Variants in RAD23B observed in about 807,000 individuals in gnomAD.
RAD23B encodes RAD23 nucleotide excision repair protein B.
A neutral mutation model predicts 49.1 loss-of-function variants in RAD23B; 5 were observed. The observed-to-expected ratio is 0.10, with a 90% CI of 0.05 to 0.21. The LOEUF is 0.21. RAD23B is among the 10% of genes least tolerant of loss of function. The pLI, the probability that RAD23B is intolerant of heterozygous loss-of-function variation, is 1.00. For synonymous variants in RAD23B, 184 were observed against 165.4 expected (o/e 1.11, Z -0.86); for missense variants, 356 against 486.7 (o/e 0.73, Z 2.53).
intron 2 of RAD23B, among the ~76,000 whole-genome samples, chr9:107,301,410 CCTT>C (rs1826649638): frequency 6.6e-6 from 1 of 152,284 alleles, no homozygotes; most frequent in South Asian, 2.1e-4. Context: ...ATGATCTCCT[CCTT>C]TTCAGGGCCT....
At chr9:107,299,803 A>G (rs528675573) in intron 1 of RAD23B, among the ~76,000 whole-genome samples, 22 of 152,286 alleles carry the variant, frequency 1.4e-4, no homozygotes, top group Admixed American at 1.2e-3. Context: ...TTTTTAGGTG[A>G]TCAAGCTTTA....
rs765928759 is a variant in RAD23B at position 107,283,579 on chromosome 9, C to T, written c.-51C>T. On this transcript the variant is annotated 5_prime_UTR_variant, in exon 1 of 10. Transcript: ENST00000358015. The stretch of plus-strand genomic sequence containing the variant: ...GCCCCGCCAGGCCACAGACCCCGCC[C>T]AGCGGCCAGCACCCGGCGCAGGCCC... 4.2e-6 allele frequency: 6 copies of T among 1,433,908 alleles called. No individual in the cohort carries two copies. The Admixed American group carries it at 7.6e-5, about 18-fold the overall frequency. The allele number at this position is 1,433,908 out of a possible 1,614,324, so 88.8% of individuals were successfully genotyped here.
At chr9:107,284,486 A>T (rs767123731) in intron 1 of RAD23B, among the ~76,000 whole-genome samples, 2 of 152,074 alleles carry the variant, frequency 1.3e-5, no homozygotes, top group Non-Finnish European at 2.9e-5. Context: ...AAGGGGGAAA[A>T]AAGAAAAAAA....
chr9:107,303,934 T>C (rs758434418), intron 3 of RAD23B, among the ~76,000 whole-genome samples: 2 of 152,236 alleles, frequency 1.3e-5, no homozygotes, highest in Non-Finnish European at 2.9e-5. Flanking sequence ...ACTTGAAGCC[T>C]ATCATTATAT....
chr9:107,306,565 C>T lies in RAD23B; in HGVS notation c.415C>T (p.Pro139Ser). The T allele has an allele frequency of 1.9e-6, 3 of 1,614,158 alleles. No individual in the cohort carries two copies. The highest frequency in any genetic ancestry group is 2.2e-5 in the East Asian group (1 of 44,870). ...AGCGACAGCATCTTCTGAACCTGCA[C>T]CTGCTAGTGCAGCTAAACAAGAGAA... The part of the protein sequence containing the change: ...ASATASSEPA[P>S]ASAAKQEKPA... The change falls in exon 4 of 10, where the codon CCT (proline) becomes TCT (serine). Residue 139 changes from proline to serine, a missense_variant. By Grantham distance (74) the Pro-to-Ser change is moderately conservative. Coordinates refer to ENST00000358015, the MANE Select transcript of RAD23B (RefSeq NM_002874.5).
intron 3 of RAD23B, among the ~76,000 whole-genome samples, chr9:107,303,551 A>C (rs904189910): frequency 1.3e-5 from 2 of 152,230 alleles, no homozygotes; most frequent in African/African-American, 2.4e-5. Flanking sequence ...TTCCAGTTTA[A>C]TCATTTTAAG....
intron 3 of RAD23B, among the ~76,000 whole-genome samples, chr9:107,306,045 T>TTTTA (rs59336314): frequency 2.4e-3 from 64 of 26,792 alleles, no homozygotes; most frequent in African/African-American, 8.1e-3. Flanking sequence ...ATGATACGGT[T>TTTTA]TATATCTATA....
chr9:107,323,596 G>A (rs1444548719), intron 7 of RAD23B, among the ~76,000 whole-genome samples: 1 of 152,126 alleles, frequency 6.6e-6, no homozygotes, highest in African/African-American at 2.4e-5. Flanking sequence ...CAGGAGACAA[G>A]TTTCTAGTAT....
At chr9:107,296,832 G>C (rs943911018) in intron 1 of RAD23B, among the ~76,000 whole-genome samples, 1 of 150,994 alleles carries the variant, frequency 6.6e-6, no homozygotes, top group Non-Finnish European at 1.5e-5. Flanking sequence ...ATGGCACCCA[G>C]CTGCCTTTTC....
chr9:107,293,352 G>C (rs976080549), intron 1 of RAD23B, among the ~76,000 whole-genome samples: 1 of 152,162 alleles, frequency 6.6e-6, no homozygotes, highest in Admixed American at 6.5e-5. Context: ...GTCATTGGGG[G>C]CCATCTTGGG....
At chr9:107,291,284 C>T (rs919421393) in intron 1 of RAD23B, among the ~76,000 whole-genome samples, 13 of 152,180 alleles carry the variant, frequency 8.5e-5, no homozygotes, top group African/African-American at 3.1e-4. Context: ...TCTGCTTACT[C>T]AGTTTTCAAA....
chr9:107,317,250 A>G (rs1827016640), intron 5 of RAD23B, among the ~76,000 whole-genome samples: 1 of 152,024 alleles, frequency 6.6e-6, no homozygotes, highest in South Asian at 2.1e-4. Context: ...GAATGAAGAG[A>G]TGGGTTTGGG....
intron 6 of RAD23B, among the ~76,000 whole-genome samples, 165 bp from the exon 7 acceptor site, chr9:107,321,818 T>A (rs556501565): frequency 1.3e-5 from 2 of 152,374 alleles, no homozygotes; most frequent in African/African-American, 4.8e-5. Flanking sequence ...CTAATCTAAT[T>A]TGAATCCATG....
At chr9:107,308,067 T>A (rs1826814917) in intron 4 of RAD23B, among the ~76,000 whole-genome samples, 1 of 152,148 alleles carries the variant, frequency 6.6e-6, no homozygotes, top group African/African-American at 2.4e-5. Context: ...AAACTTAATA[T>A]GTCTTAAGTC....
Position 107,283,450 on chromosome 9 carries a change from C to T in RAD23B, c.-180C>T. The stretch of plus-strand genomic sequence containing the variant: ...CAGTCGCGGAGGCAGCGGCGCGGTC[C>T]GGGGCACGGGCTGGGGGAGAGGCCG... On this transcript the variant is annotated 5_prime_UTR_variant, in exon 1 of 10. Transcript: ENST00000358015. The T allele has an allele frequency of 4.4e-6, 2 of 450,708 alleles. No homozygotes were observed. The highest frequency in any genetic ancestry group is 7.6e-6 in the Non-Finnish European group (2 of 261,978). The allele number at this position is 450,708 out of a possible 1,614,324, so 27.9% of individuals were successfully genotyped here.
At chr9:107,317,608 C>T (rs1346093396) in intron 5 of RAD23B, among the ~76,000 whole-genome samples, 7 of 151,400 alleles carry the variant, frequency 4.6e-5, no homozygotes, top group African/African-American at 9.7e-5. Context: ...AACTACTGAC[C>T]CAGGATAATT....
intron 1 of RAD23B, chr9:107,284,721 T>C (rs564629459): frequency 1.8e-6 from 2 of 1,122,806 alleles, no homozygotes; most frequent in South Asian, 2.1e-5. Context: ...ACCAGCAGCT[T>C]TCTGCCCAAC....
intron 1 of RAD23B, among the ~76,000 whole-genome samples, chr9:107,289,927 A>G (rs1833348214): frequency 6.6e-6 from 1 of 152,202 alleles, no homozygotes; most frequent in South Asian, 2.1e-4. Context: ...TTGTAGCCAC[A>G]TTGACTTGTC....
At chr9:107,284,726 C>A in intron 1 of RAD23B, 1 of 1,127,834 alleles carries the variant, frequency 8.9e-7, no homozygotes. Flanking sequence ...CAGCTTTCTG[C>A]CCAACTCTAT....
Sources: allele counts gnomAD v4.1 joint callset (sites outside exome capture counted in the v4.1 genomes callset), GRCh38; gene constraint gnomAD v4.1.1; transcripts MANE v1.5; gene names NCBI Gene and HGNC (gene_info 2026-07-23, HGNC 2026-07-21).